AKNA: variants seen among roughly 807,000 people sequenced by gnomAD.
AKNA encodes the protein AT-hook transcription factor, also known as microtubule organization protein AKNA.
A neutral mutation model predicts 138.8 loss-of-function variants in AKNA; 67 were observed. The observed-to-expected ratio is 0.48, with a 90% confidence interval of 0.40 to 0.59. The LOEUF (loss-of-function observed/expected upper bound fraction) is 0.59, where lower values mean the gene tolerates loss of function less well. Ranked by LOEUF, AKNA falls within the 20% of genes least tolerant of loss-of-function variation. The probability of loss-of-function intolerance (pLI) is 0.00; values close to 1 mark genes in which losing one functional copy is unlikely to be tolerated. For missense variants in AKNA, 1,813 were observed against 1,880.4 expected (o/e 0.96, Z 0.66); for synonymous variants, 737 against 754.4 (o/e 0.98, Z 0.38).
intron 1 of AKNA, among the ~76,000 whole-genome samples, chr9:114,384,062 GC>G (rs1377504901): frequency 1.3e-5 from 2 of 152,160 alleles, no homozygotes; most frequent in African/African-American, 4.8e-5. Context: ...TTCTCAATCT[GC>G]CCTCCTACAA....
chr9:114,393,308 C>T (rs1450832829), intron 1 of AKNA, among the ~76,000 whole-genome samples: 5 of 151,484 alleles, frequency 3.3e-5, no homozygotes, highest in Admixed American at 1.3e-4. Context: ...CTCCGCCTCC[C>T]GGGTTCATGC....
upstream of AKNA, among the ~76,000 whole-genome samples, chr9:114,392,000 C>G (rs948347245): frequency 7.0e-6 from 1 of 143,058 alleles, no homozygotes; most frequent in South Asian, 2.3e-4. Flanking sequence ...GCCCTTCCCA[C>G]GAGCCTGAGG....
intron 15 of AKNA, among the ~76,000 whole-genome samples, chr9:114,349,742 C>T (rs1564623638): frequency 1.3e-5 from 2 of 152,166 alleles, no homozygotes; most frequent in Non-Finnish European, 2.9e-5. Context: ...TCCTCTCTAC[C>T]CCTCTCTTCC....
Position 114,341,636 on chromosome 9 carries a change from G to T in AKNA, c.3964C>A (p.Pro1322Thr). 6.2e-7 allele frequency: 1 copy of T among 1,611,560 alleles called. No individual in the cohort carries two copies. The highest frequency in any genetic ancestry group is 8.5e-7 in the Non-Finnish European group (1 of 1,179,218). Residue 1322 changes from proline to threonine, a missense_variant, in exon 21 of 22, where the codon CCC becomes ACC. By Grantham distance (38) the Pro-to-Thr change is conservative. Coordinates refer to ENST00000374088, the MANE Select transcript of AKNA (RefSeq NM_001317950.2). ...GTTGCCAGATACCACAGTCCGGGGGGTGGGCGTGGCGACGACCCCGCCTGC... is the reference window on the plus strand; with the variant it reads ...GTTGCCAGATACCACAGTCCGGGGGTTGGGCGTGGCGACGACCCCGCCTGC... ...SKQAGSSPRP[P>T]PGLWYLATAP... is the part of the protein sequence containing the mutation.
At chr9:114,368,408 C>T in intron 5 of AKNA, 31 bp downstream of exon 5, 1 of 1,311,686 alleles carries the variant, frequency 7.6e-7, no homozygotes, top group Middle Eastern at 2.8e-4. Context: ...GCAGAAGGAG[C>T]CTCCAGCTGC....
At position 114,362,549 on chromosome 9, in the gene AKNA, G is replaced by A. The variant is rs371052451; in HGVS notation, c.1789-16C>T. 22 of 1,611,072 alleles carry A rather than the reference G, an allele frequency of 1.4e-5. No homozygotes were observed. Among genetic ancestry groups the A allele is most frequent in the Non-Finnish European group, 1.7e-5 (20 of 1,179,212 alleles). The stretch of plus-strand genomic sequence containing the variant: ...GCTGGAAGCCCTGAAACCAGACCAG[G>A]CCAGGAAGACTTGAGTGCTCAGTCC... On this transcript the variant is annotated splice_polypyrimidine_tract_variant and intron_variant, in intron 7 of 21. Transcript: ENST00000374088.
chr9:114,346,487 C>A (rs528613486), intron 17 of AKNA, among the ~76,000 whole-genome samples, 182 bp downstream of exon 17: 3 of 152,258 alleles, frequency 2.0e-5, no homozygotes, highest in Non-Finnish European at 4.4e-5. Context: ...ACACCCTACA[C>A]GCAGTAGGTG....
At chr9:114,373,783 G>A (rs1438541093) in intron 4 of AKNA, among the ~76,000 whole-genome samples, 2 of 151,304 alleles carry the variant, frequency 1.3e-5, no homozygotes, top group Non-Finnish European at 1.5e-5. Context: ...CTACCAGGGA[G>A]GCTGAAGCAA....
intron 2 of AKNA, among the ~76,000 whole-genome samples, chr9:114,379,248 C>A (rs1203931125): frequency 2.6e-5 from 4 of 152,220 alleles, no homozygotes; most frequent in African/African-American, 9.6e-5. Context: ...CTGCTGACCT[C>A]TCTGGCAATC....
Position 114,348,489 on chromosome 9 carries a change from G to A in AKNA, c.3222-589C>T, listed in dbSNP as rs992443195. 1.8e-4 allele frequency among the ~76,000 whole-genome samples: 27 copies of A among 152,218 alleles called. 3 individuals are homozygous for A. The highest frequency in any genetic ancestry group is 1.6e-3 in the Admixed American group (25 of 15,282). On this transcript the variant is annotated intron_variant, in intron 15 of 21. Transcript: ENST00000374088. Reference sequence around the variant, plus strand: ...GCTCTGAGACGGAGCAGAATAAAGCGCTGTGAGTGGAGAGCGGACAGGGAG... The same window carrying A: ...GCTCTGAGACGGAGCAGAATAAAGCACTGTGAGTGGAGAGCGGACAGGGAG...
In AKNA at chr9:114,355,958, A is replaced by C. The variant is rs1249412733; in HGVS notation, c.3025T>G (p.Phe1009Val). ...SGPLRQRAPN[F>V]SLERTLAAEM... ...GCTGCCAGTGTCCGCTCCAGGCTGA[A>C]GTTGGGTGCCCTCTGCCGGAGAGGC... The change falls in exon 14 of 22, where the codon TTC (phenylalanine) becomes GTC (valine). Residue 1009 changes from phenylalanine to valine, a missense_variant. Phe to Val is a conservative substitution (Grantham distance 50). Coordinates refer to ENST00000374088, the MANE Select transcript of AKNA (RefSeq NM_001317950.2). 1 of 1,614,060 alleles carries C rather than the reference A, an allele frequency of 6.2e-7. No individual in the cohort carries two copies.
chr9:114,340,464 T>C (rs768140885), intron 21 of AKNA, among the ~76,000 whole-genome samples: 5 of 152,226 alleles, frequency 3.3e-5, no homozygotes, highest in Non-Finnish European at 7.3e-5. Context: ...AATAGCAACA[T>C]TCTCTGTGAT....
intron 14 of AKNA, among the ~76,000 whole-genome samples, chr9:114,354,541 G>A (rs896401281): frequency 2.0e-5 from 3 of 151,974 alleles, no homozygotes; most frequent in Admixed American, 6.6e-5. Flanking sequence ...GTGAAACCCC[G>A]TCTCTACTAA....
intron 15 of AKNA, among the ~76,000 whole-genome samples, chr9:114,348,658 T>A (rs545461662): frequency 1.1e-4 from 16 of 152,344 alleles, no homozygotes; most frequent in African/African-American, 3.8e-4. Context: ...GAGTAAATCC[T>A]GTCTGTGTTT....
In AKNA at chr9:114,384,160, C is replaced by G. The variant is rs148354058; in HGVS notation, c.-113-2714G>C. On this transcript the variant is annotated intron_variant, in intron 1 of 21. Transcript: ENST00000374088. The stretch of plus-strand genomic sequence containing the variant: ...CTGTCAATTCTGGCCTAGTGGTACC[C>G]CAATATTTTTTTAATCACACAATCC... Among the ~76,000 whole-genome samples the G allele has an allele frequency of 3.6e-3, 550 of 152,274 alleles. 4 individuals are homozygous for G. Among genetic ancestry groups the G allele is most frequent in the African/African-American group, 0.013 (527 of 41,560 alleles).
intron 12 of AKNA, 78 bp downstream of exon 12, chr9:114,357,843 A>T (rs566404593): frequency 6.4e-7 from 1 of 1,566,046 alleles, no homozygotes; most frequent in Admixed American, 2.2e-5. Context: ...GCACAAGGAA[A>T]GACCCAGAAG....
chr9:114,355,365 C>CG (rs1831418076), intron 14 of AKNA, among the ~76,000 whole-genome samples: 1 of 151,820 alleles, frequency 6.6e-6, no homozygotes, highest in Admixed American at 6.6e-5. Flanking sequence ...TTAGTAGAGA[C>CG]GGGGTTTCAC....
At position 114,342,020 on chromosome 9, in the gene AKNA, G is replaced by A. The variant is rs761165573; in HGVS notation, c.3863C>T (p.Ser1288Leu). The A allele has an allele frequency of 1.3e-5, 21 of 1,613,906 alleles. 1 individual carries two copies. In the South Asian group the frequency reaches 2.0e-4, roughly 15 times the overall value. Residue 1288 changes from serine to leucine, a missense_variant, in exon 20 of 22, where the codon TCA becomes TTA. Ser to Leu is a moderately radical substitution (Grantham distance 145). Transcript: ENST00000374088. ...GSPPEADGPG[S>L]ATSGAEKATT... ...GTATTTGTCCCTACCAGAGGTGGCT[G>A]AGCCTGGACCATCTGCCTCTGGGGG...
In AKNA at chr9:114,336,987, C is replaced by T. The variant is rs1210144452; in HGVS notation, c.*67G>A. On this transcript the variant is annotated 3_prime_UTR_variant, in exon 22 of 22. Coordinates refer to ENST00000374088, the MANE Select transcript of AKNA (RefSeq NM_001317950.2). ...GCCTTCTGGGCCTCAGCAGCTCCAG[C>T]CCACTCCTGGCCTGGCAGGCCACCT... 13 of 1,444,268 alleles carry T rather than the reference C, an allele frequency of 9.0e-6. No individual in the cohort carries two copies. Among genetic ancestry groups the T allele is most frequent in the African/African-American group, 1.4e-5 (1 of 70,374 alleles). 89.5% of individuals were successfully genotyped at this position (1,444,268 alleles called of 1,614,324 possible).
Sources: gnomAD v4.1 joint callset for allele counts (sites outside exome capture counted in the v4.1 genomes callset) on GRCh38, gnomAD v4.1.1 for gene constraint, MANE v1.5 for transcripts, NCBI Gene and HGNC (gene_info 2026-07-23, HGNC 2026-07-21) for gene names.